Variants in NRG2 observed in about 807,000 individuals in gnomAD.
NRG2 encodes the protein neuregulin 2, also known as pro-neuregulin-2, membrane-bound isoform.
NRG2 carries 27 observed loss-of-function variants against 73.9 expected under a neutral mutation model. That is an observed-to-expected ratio of 0.37 (90% confidence interval 0.27 to 0.50). The LOEUF is 0.50. Among genes scored for constraint, NRG2 ranks in the 20% least tolerant of loss-of-function variants. The pLI, the probability that NRG2 is intolerant of heterozygous loss-of-function variation, is 0.96. For missense variants in NRG2, 1,126 were observed against 1,210.1 expected, an observed-to-expected ratio of 0.93 and a Z score of 1.03; for synonymous variants, 532 against 541.0, an observed-to-expected ratio of 0.98 and a Z score of 0.23.
chr5:139,989,130 A>G (rs551808365), intron 1 of NRG2, among the ~76,000 whole-genome samples: 4 of 152,178 alleles, frequency 2.6e-5, no homozygotes, highest in African/African-American at 4.8e-5. Context: ...ATTATGGAAG[A>G]TTTGTACAAT....
At chr5:139,993,801 AGTAT>A (rs1757823250) in intron 1 of NRG2, among the ~76,000 whole-genome samples, 1 of 150,688 alleles carries the variant, frequency 6.6e-6, no homozygotes, top group South Asian at 2.1e-4. Flanking sequence ...CTGATAAAGG[AGTAT>A]GTATCAGTGA....
intron 1 of NRG2, among the ~76,000 whole-genome samples, chr5:139,973,825 G>A (rs993631145): frequency 2.0e-5 from 3 of 152,098 alleles, no homozygotes; most frequent in South Asian, 2.1e-4. Context: ...CCCTCACAAC[G>A]CGGCCTCACA....
At chr5:139,958,411 G>T (rs1754797786) in intron 1 of NRG2, among the ~76,000 whole-genome samples, 1 of 152,206 alleles carries the variant, frequency 6.6e-6, no homozygotes, top group South Asian at 2.1e-4. Context: ...AGCACATACT[G>T]TCCAGTCCCC....
At chr5:139,940,457 T>C (rs1024474005) in intron 1 of NRG2, among the ~76,000 whole-genome samples, 26 of 152,326 alleles carry the variant, frequency 1.7e-4, no homozygotes, top group African/African-American at 6.0e-4. Flanking sequence ...CTAACATGAT[T>C]GTAGTGATGT....
chr5:139,881,489 CGCTGCCACTAA>C (rs1000437707), intron 2 of NRG2, among the ~76,000 whole-genome samples: 3 of 152,192 alleles, frequency 2.0e-5, no homozygotes, highest in African/African-American at 7.2e-5. Context: ...TCAAAATCAG[CGCTGCCACTAA>C]GGGGCACTCT....
intron 1 of NRG2, among the ~76,000 whole-genome samples, chr5:139,991,221 A>T (rs938057441): frequency 6.6e-6 from 1 of 152,126 alleles, no homozygotes; most frequent in African/African-American, 2.4e-5. Context: ...GGTTTCAGTG[A>T]GCCAAGATCG....
chr5:139,880,114 G>C (rs547367898), intron 3 of NRG2, among the ~76,000 whole-genome samples: 29 of 152,296 alleles, frequency 1.9e-4, no homozygotes, highest in African/African-American at 7.0e-4. Flanking sequence ...GTGTGTGTTG[G>C]GGGGAGGAGA....
chr5:140,038,505 T>C (rs778353411), intron 1 of NRG2, among the ~76,000 whole-genome samples: 6 of 152,364 alleles, frequency 3.9e-5, no homozygotes, highest in Admixed American at 2.6e-4. Flanking sequence ...AAGGTTCCCA[T>C]AGCGACAGGT....
At chr5:139,901,686 T>C (rs1764901117) in intron 1 of NRG2, among the ~76,000 whole-genome samples, 2 of 152,226 alleles carry the variant, frequency 1.3e-5, no homozygotes, top group Admixed American at 6.5e-5. Flanking sequence ...GCCTTCACAC[T>C]CCAGGACACT....
At chr5:140,020,117 A>T (rs1177245964) in intron 1 of NRG2, among the ~76,000 whole-genome samples, 1 of 152,222 alleles carries the variant, frequency 6.6e-6, no homozygotes, top group Admixed American at 6.5e-5. Flanking sequence ...AAGAGGACAG[A>T]GGATTAGTGG....
At chr5:139,981,121 T>A (rs1406933290) in intron 1 of NRG2, among the ~76,000 whole-genome samples, 7 of 152,176 alleles carry the variant, frequency 4.6e-5, no homozygotes. Flanking sequence ...GCCAGCAGCA[T>A]CTATGCTGGG....
chr5:139,848,770 G>GGGGGGGGGGGGGGGGGTT, intron 9 of NRG2, 73 bp from the exon 10 acceptor site: 1 of 159,414 alleles, frequency 6.3e-6, no homozygotes, highest in Non-Finnish European at 1.2e-5. Context: ...TGGGGGTGGG[G>GGGGGGGGGGGGGGGGGTT]TAGGGTGGGA....
intron 1 of NRG2, among the ~76,000 whole-genome samples, chr5:140,003,442 G>C (rs867202628): frequency 6.6e-6 from 1 of 152,204 alleles, no homozygotes; most frequent in South Asian, 2.1e-4. Context: ...AGGAGGATTA[G>C]AGTCAGAGAG....
rs1244341336 is a variant in NRG2, at chr5:139,852,216, G to T, written c.1544+216C>A. 2.0e-5 allele frequency among the ~76,000 whole-genome samples: 3 copies of T among 152,358 alleles called. No individual in the cohort carries two copies. Among genetic ancestry groups the T allele is most frequent in the East Asian group, 3.9e-4 (2 of 5,178 alleles). Reference sequence around the variant, plus strand: ...CTATTTCCTGGTGCTCCCGAGGGAAGAAGGGAGCCAGCCATGTTATTTTTG... The same window carrying T: ...CTATTTCCTGGTGCTCCCGAGGGAATAAGGGAGCCAGCCATGTTATTTTTG... On this transcript the variant is annotated intron_variant, in intron 8 of 9. Coordinates refer to ENST00000361474, the MANE Select transcript of NRG2 (RefSeq NM_004883.3). The surrounding 1 kb of genome is among the most constrained non-coding windows in gnomAD (Gnocchi z 4.4).
In NRG2 at chr5:139,864,975, C is replaced by CG. The variant is rs752531531; in HGVS notation, c.1189+573dup. The CG allele has an allele frequency of 9.2e-6, 7 of 764,518 alleles. No individual in the cohort carries two copies. In the South Asian group the frequency reaches 1.0e-4, roughly 11 times the overall value. The allele number at this position is 764,518 out of a possible 1,614,324, so 47.4% of individuals were successfully genotyped here. On this transcript the variant is annotated intron_variant, in intron 5 of 9. Coordinates refer to ENST00000361474, the MANE Select transcript of NRG2 (RefSeq NM_004883.3). ...AGCCCACATGTGGAGGTGGGGGTGCCGGGGGTGTTTCCGTCTCCTCTAAGG... is the reference window on the plus strand; with the variant it reads ...AGCCCACATGTGGAGGTGGGGGTGCCGGGGGGTGTTTCCGTCTCCTCTAAGG...
intron 2 of NRG2, among the ~76,000 whole-genome samples, chr5:139,881,677 T>C (rs1446084679): frequency 6.6e-6 from 1 of 152,214 alleles, no homozygotes; most frequent in African/African-American, 2.4e-5. Flanking sequence ...AACTGAGTCC[T>C]AGAGGGACTT....
At chr5:139,932,421 T>TAAA (rs35539824) in intron 1 of NRG2, among the ~76,000 whole-genome samples, 3,174 of 150,984 alleles carry the variant, frequency 0.021, 104 homozygotes, top group African/African-American at 0.072. Context: ...TTTTTTTTTT[T>TAAA]AAAAAAAGCT....
In NRG2 at chr5:140,008,195, G is replaced by A. The variant is rs1172737369; in HGVS notation, c.700+34175C>T. On this transcript the variant is annotated intron_variant, in intron 1 of 9. Coordinates refer to ENST00000361474, the MANE Select transcript of NRG2 (RefSeq NM_004883.3). This position sits in a 1 kb window ranked among gnomAD's most constrained non-coding sequence, Gnocchi z 4.2. Reference sequence around the variant, plus strand: ...TGCAGAGTCTATGCAGAAGATGCATGGGGAAATCAAAGATCTATTCCACAG... The same window carrying A: ...TGCAGAGTCTATGCAGAAGATGCATAGGGAAATCAAAGATCTATTCCACAG... 6.6e-6 allele frequency among the ~76,000 whole-genome samples: 1 copy of A among 152,210 alleles called. No individual in the cohort carries two copies. Among genetic ancestry groups the A allele is most frequent in the Non-Finnish European group, 1.5e-5 (1 of 68,036 alleles).
chr5:139,964,290 T>G (rs1035413207), intron 1 of NRG2, among the ~76,000 whole-genome samples: 4 of 152,100 alleles, frequency 2.6e-5, no homozygotes, highest in African/African-American at 9.7e-5. Context: ...ACTTTATGTA[T>G]CTCCTTTCCG....
Sources: gnomAD v4.1 joint callset for allele counts (sites outside exome capture counted in the v4.1 genomes callset) on GRCh38, gnomAD v4.1.1 for gene constraint, Gnocchi (gnomAD v3.1) non-coding constraint, MANE v1.5 for transcripts, NCBI Gene and HGNC (gene_info 2026-07-23, HGNC 2026-07-21) for gene names.